AMACR: variants seen among roughly 807,000 people sequenced by gnomAD.
The protein encoded by AMACR is alpha-methylacyl-CoA racemase.
Under a neutral mutation model 22.2 loss-of-function variants are expected in AMACR, and 18 were observed. The ratio of observed to expected loss-of-function variants is 0.81; its 90% CI spans 0.56 to 1.20. AMACR has a LOEUF of 1.20. Among genes scored for constraint, AMACR ranks in the 50% most tolerant of loss-of-function variants. The pLI is 0.00. For synonymous variants in AMACR, 213 were observed against 191.3 expected (o/e 1.11, Z -0.94); for missense variants, 499 against 490.6 (o/e 1.02, Z -0.16).
intron 2 of AMACR, 22 bp from the exon 3 acceptor site, chr5:34,004,756 T>A: frequency 6.2e-7 from 1 of 1,612,256 alleles, no homozygotes. Context: ...AAAACAAATT[T>A]AATGTCTCTT....
intron 4 of AMACR, chr5:33,994,181 A>G (rs886943434): frequency 2.5e-6 from 1 of 403,560 alleles, no homozygotes; most frequent in Admixed American, 2.7e-5. Context: ...AATTATTACT[A>G]TTATTGTTGT....
intron 4 of AMACR, among the ~76,000 whole-genome samples, chr5:33,997,986 A>G (rs1194540026): frequency 2.0e-5 from 3 of 152,220 alleles, no homozygotes; most frequent in African/African-American, 4.8e-5. Flanking sequence ...ACTTCAGAGT[A>G]TATTCTAAAA....
intron 3 of AMACR, 86 bp from the exon 4 acceptor site, chr5:33,998,913 T>C (rs577729518): frequency 2.9e-6 from 4 of 1,361,084 alleles, no homozygotes; most frequent in East Asian, 4.7e-5. Context: ...TAAAAAAAAT[T>C]TGCGTAAAAA....
rs764011770 is a variant in AMACR, at chr5:33,989,173, A to C, written c.1069T>G (p.Phe357Val). The change falls in exon 5 of 5, where the codon TTT becomes GTT. Residue 357 changes from phenylalanine to valine, a missense_variant. Coordinates refer to ENST00000335606, the MANE Select transcript of AMACR (RefSeq NM_014324.6). ...GEHTEEILEE[F>V]GFSREEIYQL... ...TAAATCTCTTCGCGGCTGAATCCAA[A>C]TTCTTCAAGTATCTCCTCAGTGTGT... 6.2e-7 allele frequency: 1 copy of C among 1,614,186 alleles called. No homozygotes were observed.
At chr5:33,992,069 T>C (rs1753495017) in intron 4 of AMACR, among the ~76,000 whole-genome samples, 1 of 151,946 alleles carries the variant, frequency 6.6e-6, no homozygotes, top group African/African-American at 2.4e-5. Context: ...TTAGTAGAGA[T>C]GGGGTTTCAC....
At chr5:34,002,730 G>A (rs7713302) in intron 3 of AMACR, among the ~76,000 whole-genome samples, 11,039 of 152,236 alleles carry the variant, frequency 0.073, 1,395 homozygotes, top group African/African-American at 0.25. Flanking sequence ...TGAGTTTGGC[G>A]GGTACTGGTA....
At chr5:34,005,638 C>G (rs1753948689) in intron 2 of AMACR, 118 bp downstream of exon 2, 2 of 1,293,628 alleles carry the variant, frequency 1.5e-6, no homozygotes, top group Non-Finnish European at 2.1e-6. Context: ...CCCATGCTCT[C>G]TTGATTGATT....
chr5:33,996,259 A>G (rs1321148753), intron 4 of AMACR, among the ~76,000 whole-genome samples: 2 of 152,162 alleles, frequency 1.3e-5, no homozygotes, highest in African/African-American at 2.4e-5. Flanking sequence ...AAAAGAATAA[A>G]CTGGGGAATG....
chr5:33,987,445 G>A lies in AMACR; in HGVS notation c.*1648C>T, dbSNP rs1416479954. ...CTGTGCCAAGGCACCCAGGGCATTA[G>A]AGTGACCTCACAAGAGTATCTCAGA... On this transcript the variant is annotated 3_prime_UTR_variant, in exon 5 of 5. Transcript: ENST00000335606. 1 of 152,246 alleles carries A rather than the reference G, an allele frequency of 6.6e-6. No homozygotes were observed. The highest frequency in any genetic ancestry group is 1.5e-5 in the Non-Finnish European group (1 of 68,042). The allele number at this position is 152,246 out of a possible 1,614,324, so 9.4% of individuals were successfully genotyped here. A position where few individuals can be genotyped will look rare whatever the true frequency, so the allele number is the denominator to read the frequency against.
intron 1 of AMACR, 113 bp from the exon 2 acceptor site, chr5:34,006,012 G>T: frequency 7.7e-7 from 1 of 1,298,068 alleles, no homozygotes; most frequent in Non-Finnish European, 1.1e-6. Context: ...AATAACATTT[G>T]CTGTAGGCTA....
chr5:33,986,503 A>C lies in AMACR; in HGVS notation c.*2590T>G, dbSNP rs2112026099. 1.3e-5 allele frequency: 2 copies of C among 152,332 alleles called. No individual in the cohort carries two copies. The highest frequency in any genetic ancestry group is 4.1e-4 in the South Asian group (2 of 4,832). 9.4% of individuals were successfully genotyped at this position (152,332 alleles called of 1,614,324 possible). On this transcript the variant is annotated 3_prime_UTR_variant, in exon 5 of 5. Coordinates refer to ENST00000335606, the MANE Select transcript of AMACR (RefSeq NM_014324.6). ...TAAACATTTGCTAAAGGAATTACTGAGTGAATAAACCATACACACTGCATT... is the reference window on the plus strand; with the variant it reads ...TAAACATTTGCTAAAGGAATTACTGCGTGAATAAACCATACACACTGCATT...
At chr5:33,996,344 G>C (rs951856736) in intron 4 of AMACR, among the ~76,000 whole-genome samples, 1 of 152,060 alleles carries the variant, frequency 6.6e-6, no homozygotes, top group African/African-American at 2.4e-5. Flanking sequence ...AGAAGGCAAC[G>C]CACACGTACA....
rs191796024 is a variant in AMACR at position 34,005,907 on chromosome 5, G to T, written c.248-8C>A. The T allele has an allele frequency of 6.2e-7, 1 of 1,614,054 alleles. No individual in the cohort carries two copies. The highest frequency in any genetic ancestry group is 2.2e-5 in the East Asian group (1 of 44,878). ...GGAGTTTCTCCATGACACCTTAAGA[G>T]AAAAGTAACGATCTTCTTAAGAGAG... On this transcript the variant is annotated splice_region_variant and splice_polypyrimidine_tract_variant and intron_variant, in intron 1 of 4. Coordinates refer to ENST00000335606, the MANE Select transcript of AMACR (RefSeq NM_014324.6).
At chr5:33,996,168 A>T (rs1159254306) in intron 4 of AMACR, among the ~76,000 whole-genome samples, 1 of 150,772 alleles carries the variant, frequency 6.6e-6, no homozygotes, top group Non-Finnish European at 1.5e-5. Flanking sequence ...TGATTTAATA[A>T]AAAAAAAAGG....
chr5:33,995,172 C>T (rs1049096475), intron 4 of AMACR, among the ~76,000 whole-genome samples: 14 of 152,206 alleles, frequency 9.2e-5, no homozygotes, highest in African/African-American at 3.4e-4. Flanking sequence ...GTGGGGCTAT[C>T]AGCCCATTAG....
In AMACR at chr5:34,004,862, AC is replaced by A. The variant is rs1238814677; in HGVS notation, c.392-129del. 5 of 1,104,028 alleles carry A rather than the reference AC, an allele frequency of 4.5e-6. No homozygotes were observed. The African/African-American group carries it at 7.9e-5, about 17-fold the overall frequency. 68.4% of individuals were successfully genotyped at this position (1,104,028 alleles called of 1,614,324 possible). A position where few individuals can be genotyped will look rare whatever the true frequency, so the allele number is the denominator to read the frequency against. Reference sequence around the variant, plus strand: ...ATCTAAGTGAAAGCTAGTATACATCACTTTTCCAAATCTGAGCTTAGTCAGT... The same window carrying A: ...ATCTAAGTGAAAGCTAGTATACATCATTTTCCAAATCTGAGCTTAGTCAGT... On this transcript the variant is annotated intron_variant, in intron 2 of 4. Transcript: ENST00000335606.
chr5:33,996,364 C>A (rs892548053), intron 4 of AMACR, among the ~76,000 whole-genome samples: 3 of 152,266 alleles, frequency 2.0e-5, no homozygotes, highest in South Asian at 2.1e-4. Context: ...ACACGCAGGG[C>A]AGTATGAATG....
chr5:34,003,453 T>A (rs781650830), intron 3 of AMACR, among the ~76,000 whole-genome samples: 1 of 152,200 alleles, frequency 6.6e-6, no homozygotes, highest in Non-Finnish European at 1.5e-5. Flanking sequence ...CTAACAATGC[T>A]ATGAGGTGGA....
At chr5:33,994,512 A>G (rs1425426984) in intron 4 of AMACR, among the ~76,000 whole-genome samples, 2 of 152,196 alleles carry the variant, frequency 1.3e-5, no homozygotes, top group Non-Finnish European at 2.9e-5. Flanking sequence ...GGGTTTGTCC[A>G]GTAGGACTTG....
Sources: gnomAD v4.1 joint callset for allele counts (sites outside exome capture counted in the v4.1 genomes callset) on GRCh38, gnomAD v4.1.1 for gene constraint, MANE v1.5 for transcripts, NCBI Gene and HGNC (gene_info 2026-07-23, HGNC 2026-07-21) for gene names.